Variants in SUFU observed in about 807,000 individuals in gnomAD.
SUFU encodes the protein suppressor of fused homolog.
In SUFU, 7 loss-of-function variants were observed where a neutral mutation model predicts 58.9. The observed-to-expected ratio is 0.12, with a 90% CI of 0.07 to 0.22. SUFU has a LOEUF of 0.22. SUFU is among the 10% of genes least tolerant of loss of function. The probability of loss-of-function intolerance (pLI) is 1.00; values close to 1 mark genes in which losing one functional copy is unlikely to be tolerated. For missense variants in SUFU, 451 were observed against 641.3 expected, an observed-to-expected ratio of 0.70 and a Z score of 3.20; for synonymous variants, 232 against 254.8, an observed-to-expected ratio of 0.91 and a Z score of 0.85.
intron 2 of SUFU, among the ~76,000 whole-genome samples, chr10:102,513,736 C>T (rs1418313987): frequency 6.6e-6 from 1 of 152,142 alleles, no homozygotes; most frequent in African/African-American, 2.4e-5. Flanking sequence ...GTACCAACAA[C>T]GCTTTTAGGA....
At chr10:102,570,346 A>G (rs1438227528) in intron 3 of SUFU, among the ~76,000 whole-genome samples, 2 of 152,014 alleles carry the variant, frequency 1.3e-5, no homozygotes, top group African/African-American at 4.8e-5. Flanking sequence ...GGTTCAAGCA[A>G]TTCTCTTGCC....
intron 2 of SUFU, among the ~76,000 whole-genome samples, chr10:102,530,466 TTTA>T (rs1177494443): frequency 3.5e-3 from 396 of 113,680 alleles, no homozygotes; most frequent in Non-Finnish European, 6.2e-3. Context: ...TTTTTTTTTT[TTTA>T]ATGGAGACAG....
At chr10:102,583,396 C>A (rs904672196) in intron 3 of SUFU, among the ~76,000 whole-genome samples, 2 of 152,146 alleles carry the variant, frequency 1.3e-5, no homozygotes, top group African/African-American at 4.8e-5. Flanking sequence ...TTGGCCAAAG[C>A]CTGATCACAC....
At chr10:102,557,860 A>G (rs1260174245) in intron 3 of SUFU, among the ~76,000 whole-genome samples, 1 of 151,842 alleles carries the variant, frequency 6.6e-6, no homozygotes, top group Non-Finnish European at 1.5e-5. Context: ...CAGCAGGCAC[A>G]GGGCTTTGTG....
chr10:102,568,781 G>A (rs1444159350), intron 3 of SUFU, among the ~76,000 whole-genome samples: 2 of 148,282 alleles, frequency 1.3e-5, no homozygotes, highest in African/African-American at 5.0e-5. Context: ...GGCTGAGGCA[G>A]GAGAATCACT....
intron 2 of SUFU, among the ~76,000 whole-genome samples, chr10:102,540,718 AT>A (rs1464490338): frequency 4.9e-5 from 3 of 60,842 alleles, no homozygotes; most frequent in African/African-American, 2.2e-4. Context: ...TGCCTTTAAA[AT>A]ATATATATAT....
At chr10:102,534,155 G>A (rs772764324) in intron 2 of SUFU, among the ~76,000 whole-genome samples, 23 of 152,152 alleles carry the variant, frequency 1.5e-4, no homozygotes, top group Admixed American at 4.6e-4. Context: ...TGGGCCAGGC[G>A]CGGTGGCTCA....
At position 102,623,642 on chromosome 10, in the gene SUFU, A is replaced by G. The variant is rs1487780243; in HGVS notation, c.1297-3533A>G. 3.9e-5 allele frequency among the ~76,000 whole-genome samples: 6 copies of G among 152,238 alleles called. No individual in the cohort carries two copies. The East Asian group carries it at 1.2e-3, about 29-fold the overall frequency. ...CATGAGATCAGATAGCCGTTCCTCT[A>G]AAGTCCAGAGCCTTGAGCCAGGCGT... On this transcript the variant is annotated intron_variant, in intron 10 of 11. Transcript: ENST00000369902.
rs1019282123 is a variant in SUFU at position 102,619,959 on chromosome 10, G to T, written c.1296+2531G>T. Among the ~76,000 whole-genome samples the T allele has an allele frequency of 6.6e-6, 1 of 152,142 alleles. No homozygotes were observed. The highest frequency in any genetic ancestry group is 6.5e-5 in the Admixed American group (1 of 15,282). On this transcript the variant is annotated intron_variant, in intron 10 of 11. Transcript: ENST00000369902. This position sits in a 1 kb window ranked among gnomAD's most constrained non-coding sequence, Gnocchi z 4.2. ...TCAGGAGGGGACCCCAGCACAAAGA[G>T]GCCCACCCTTGCTCCCTGCAGGCAT...
chr10:102,572,822 CCTT>C, intron 3 of SUFU: 3 of 838,732 alleles, frequency 3.6e-6, no homozygotes, highest in Admixed American at 1.7e-5. Context: ...CCAACATATG[CCTT>C]CTTCTCTCCA....
At chr10:102,562,832 A>G (rs1250821244) in intron 3 of SUFU, among the ~76,000 whole-genome samples, 1 of 152,222 alleles carries the variant, frequency 6.6e-6, no homozygotes, top group African/African-American at 2.4e-5. Context: ...CGGAGGTTGC[A>G]GTGAGCTGAG....
chr10:102,558,930 A>G (rs924908883), intron 3 of SUFU, among the ~76,000 whole-genome samples: 1 of 152,218 alleles, frequency 6.6e-6, no homozygotes, highest in African/African-American at 2.4e-5. Flanking sequence ...CCTAACAATA[A>G]GGGCACTTAC....
chr10:102,597,997 T>C (rs979169525), intron 7 of SUFU, among the ~76,000 whole-genome samples: 2 of 152,276 alleles, frequency 1.3e-5, no homozygotes, highest in Non-Finnish European at 2.9e-5. Flanking sequence ...AGCTTCTTTG[T>C]CTACTTCCTT....
intron 8 of SUFU, among the ~76,000 whole-genome samples, chr10:102,609,782 G>T (rs2063604083): frequency 6.6e-6 from 1 of 152,188 alleles, no homozygotes; most frequent in Non-Finnish European, 1.5e-5. Context: ...TCATGAAGCT[G>T]GTGTCAGCAA....
chr10:102,515,637 C>T (rs895527199), intron 2 of SUFU, among the ~76,000 whole-genome samples: 7 of 152,046 alleles, frequency 4.6e-5, no homozygotes, highest in Non-Finnish European at 7.4e-5. Context: ...TTTAACATGT[C>T]GTTTCCAAGA....
chr10:102,517,208 GA>G (rs1225668547), intron 2 of SUFU, among the ~76,000 whole-genome samples: 1 of 151,918 alleles, frequency 6.6e-6, no homozygotes, highest in Non-Finnish European at 1.5e-5. Flanking sequence ...GAATCGCTTG[GA>G]CTCGGGGGCC....
chr10:102,606,795 G>A (rs886651766), intron 8 of SUFU, among the ~76,000 whole-genome samples: 1 of 152,100 alleles, frequency 6.6e-6, no homozygotes, highest in African/African-American at 2.4e-5. Context: ...ATCAGCTAGA[G>A]GATACACTCC....
chr10:102,587,195 T>C (rs1450066110), intron 3 of SUFU, among the ~76,000 whole-genome samples: 2 of 152,156 alleles, frequency 1.3e-5, no homozygotes, highest in Non-Finnish European at 2.9e-5. Flanking sequence ...AGACCATGCT[T>C]TCAGTTATTT....
intron 8 of SUFU, among the ~76,000 whole-genome samples, chr10:102,604,316 T>C (rs2063542054): frequency 6.6e-6 from 1 of 152,242 alleles, no homozygotes; most frequent in Admixed American, 6.5e-5. Flanking sequence ...CAAGTGCCTT[T>C]ACAGGCCTTT....
Sources: gnomAD v4.1 joint callset for allele counts (sites outside exome capture counted in the v4.1 genomes callset) on GRCh38, gnomAD v4.1.1 for gene constraint, Gnocchi (gnomAD v3.1) non-coding constraint, MANE v1.5 for transcripts, NCBI Gene and HGNC (gene_info 2026-07-23, HGNC 2026-07-21) for gene names.